Variants in COL5A1 observed in about 807,000 individuals in gnomAD.
The protein encoded by COL5A1 is collagen type V alpha 1 chain.
COL5A1 carries 16 observed loss-of-function variants against 263.7 expected under a neutral mutation model. The ratio of observed to expected loss-of-function variants is 0.06; its 90% CI spans 0.04 to 0.09. The LOEUF (loss-of-function observed/expected upper bound fraction) is 0.09. Among genes scored for constraint, COL5A1 ranks in the 10% least tolerant of loss-of-function variants. The probability of loss-of-function intolerance (pLI) is 1.00; values close to 1 mark genes in which losing one functional copy is unlikely to be tolerated. For synonymous variants in COL5A1, 1,012 were observed against 1,004.5 expected (o/e 1.01, Z -0.14); for missense variants, 2,036 against 2,540.5 (o/e 0.80, Z 4.27).
chr9:134,692,331 T>C (rs1021022695), intron 2 of COL5A1, among the ~76,000 whole-genome samples: 2 of 152,202 alleles, frequency 1.3e-5, no homozygotes, highest in Non-Finnish European at 2.9e-5. Context: ...TCAGACAGCC[T>C]GTCCCCGCAA....
chr9:134,676,218 T>C (rs1026977394), intron 1 of COL5A1, among the ~76,000 whole-genome samples: 2 of 152,210 alleles, frequency 1.3e-5, no homozygotes, highest in African/African-American at 4.8e-5. Flanking sequence ...ATCGGTATTG[T>C]TCTGGACTTA....
At chr9:134,738,907 G>C (rs1294282709) in intron 11 of COL5A1, 99 bp downstream of exon 11, 1 of 978,016 alleles carries the variant, frequency 1.0e-6, no homozygotes, top group Non-Finnish European at 1.6e-6. Flanking sequence ...CTGTGGAGGT[G>C]ACCCAGAGGC....
chr9:134,785,775 C>T (rs761752799), intron 30 of COL5A1, among the ~76,000 whole-genome samples: 3 of 152,198 alleles, frequency 2.0e-5, no homozygotes, highest in Non-Finnish European at 4.4e-5. Context: ...GCTTCTTCCT[C>T]GGTGCAGGGA....
chr9:134,761,876 C>T (rs371161791), intron 18 of COL5A1, 49 bp from the exon 19 acceptor site: 59 of 1,588,264 alleles, frequency 3.7e-5, no homozygotes, highest in Non-Finnish European at 4.8e-5. Context: ...TGGACAAGCC[C>T]TGCATGACCT....
chr9:134,676,396 A>G (rs1832684985), intron 1 of COL5A1, among the ~76,000 whole-genome samples: 1 of 152,176 alleles, frequency 6.6e-6, no homozygotes, highest in Non-Finnish European at 1.5e-5. Flanking sequence ...TGGCCTCTGC[A>G]GCATATTTGG....
In COL5A1 at chr9:134,690,878, C is replaced by T. The variant is rs72772548; in HGVS notation, c.110-34C>T. On this transcript the variant is annotated intron_variant, in intron 1 of 65. Transcript: ENST00000371817. ...TGTTCCCAGGTGCTCCTTTCCTCTC[C>T]GTGGCTAACTCTGCTCCTCCTCTGT... 0.072 allele frequency: 115,640 copies of T among 1,612,728 alleles called. 4,477 individuals carry two copies. The highest frequency in any genetic ancestry group is 0.078 in the Non-Finnish European group (92,348 of 1,179,794).
In COL5A1 at chr9:134,825,856, C is replaced by T; in HGVS notation, c.5019C>T (p.Phe1673=). The part of the protein sequence containing the change: ...SRDSFKVYCN[F]TAGGSTCVFP... The stretch of plus-strand genomic sequence containing the variant: ...ATTCCTTCAAGGTTTACTGCAACTT[C>T]ACAGCCGGGGGGTCGACATGCGTCT... The change falls in exon 63 of 66, where the codon TTC becomes TTT. Residue 1673 remains phenylalanine (F), a synonymous_variant. Coordinates refer to ENST00000371817, the MANE Select transcript of COL5A1 (RefSeq NM_000093.5). 6.2e-7 allele frequency: 1 copy of T among 1,613,484 alleles called. No individual in the cohort carries two copies. The highest frequency in any genetic ancestry group is 8.5e-7 in the Non-Finnish European group (1 of 1,179,572).
Position 134,794,385 on chromosome 9 carries a change from G to A in COL5A1, c.2701-697G>A, listed in dbSNP as rs796413579. On this transcript the variant is annotated intron_variant, in intron 32 of 65. Coordinates refer to ENST00000371817, the MANE Select transcript of COL5A1 (RefSeq NM_000093.5). The surrounding 1 kb of genome is among the most constrained non-coding windows in gnomAD (Gnocchi z 4.3). ...AGTTCAGGAAGCTGAGTTGGGACAC[G>A]GTGGGGGATGTAGGGGCCCCTGCGT... Among the ~76,000 whole-genome samples the A allele has an allele frequency of 6.6e-6, 1 of 151,994 alleles. No homozygotes were observed. The highest frequency in any genetic ancestry group is 2.4e-5 in the African/African-American group (1 of 41,380).
In COL5A1 at chr9:134,755,098, G is replaced by A. The variant is rs151331020; in HGVS notation, c.1827+772G>A. ...TTGGGGAGCAAGCTGTGGTTAGTGG[G>A]TAGAAATGACCCGATAAGCCGCAGT... On this transcript the variant is annotated intron_variant, in intron 16 of 65. Transcript: ENST00000371817. This position sits in a 1 kb window ranked among gnomAD's most constrained non-coding sequence, Gnocchi z 4.1. Among the ~76,000 whole-genome samples, 286 of 152,246 alleles carry A rather than the reference G, an allele frequency of 1.9e-3. 1 individual carries two copies. The highest frequency in any genetic ancestry group is 6.7e-3 in the African/African-American group (277 of 41,558).
chr9:134,768,071 G>A (rs1337713801), intron 24 of COL5A1, among the ~76,000 whole-genome samples: 1 of 152,240 alleles, frequency 6.6e-6, no homozygotes, highest in African/African-American at 2.4e-5. Context: ...GGTGGTGGGA[G>A]CACTTGAAGA....
rs201166370 is a variant in COL5A1 at position 134,730,388 on chromosome 9, G to A, written c.1077G>A (p.Glu359=). 7.0e-4 allele frequency: 1,133 copies of A among 1,614,216 alleles called. 2 individuals are homozygous for A. The highest frequency in any genetic ancestry group is 1.9e-3 in the East Asian group (86 of 44,884). ...PSPYDDLTYG[E]GEENPDQPTD... is the part of the protein sequence containing the mutation. ...CGTATGATGACCTCACCTATGGCGA[G>A]GGGGAGGAGAACCCCGACCAGCCCA... The change falls in exon 7 of 66, where the codon GAG becomes GAA. Residue 359 remains glutamate, a synonymous_variant. Transcript: ENST00000371817.
At position 134,646,664 on chromosome 9, in the gene COL5A1, G is replaced by C. The variant is rs76028241; in HGVS notation, c.109+4368G>C. 2.9e-3 allele frequency among the ~76,000 whole-genome samples: 443 copies of C among 152,258 alleles called. 1 individual carries two copies. Among genetic ancestry groups the C allele is most frequent in the Non-Finnish European group, 4.0e-3 (274 of 68,020 alleles). On this transcript the variant is annotated intron_variant, in intron 1 of 65. Transcript: ENST00000371817. Reference sequence around the variant, plus strand: ...CTCCTGTTTCCCTTTGACGAGCCCTGCTGGCCTGGCACAGTGAGCCCAGTC... The same window carrying C: ...CTCCTGTTTCCCTTTGACGAGCCCTCCTGGCCTGGCACAGTGAGCCCAGTC...
chr9:134,665,837 C>A (rs1442618234), intron 1 of COL5A1, among the ~76,000 whole-genome samples: 2 of 152,212 alleles, frequency 1.3e-5, no homozygotes, highest in Non-Finnish European at 2.9e-5. Flanking sequence ...CCTCTAATCC[C>A]AGCACTTTGG....
Position 134,767,004 on chromosome 9 carries a change from C to A in COL5A1, c.2138C>A (p.Pro713His), listed in dbSNP as rs1176035704. 6.2e-7 allele frequency: 1 copy of A among 1,613,646 alleles called. No homozygotes were observed. ...CTTTGCTCTTGTCTCCTGTAGGGTC[C>A]CCAGGGAGAGCCTGGCCCCCCAGGA... Reference protein sequence around the residue: ...GQPGPKGNVGPQGEPGPPGQQ... With the variant: ...GQPGPKGNVGHQGEPGPPGQQ... Residue 713 changes from proline (P) to histidine (H), a missense_variant, in exon 23 of 66, where the codon CCC becomes CAC. By Grantham distance (77) the Pro-to-His change is moderately conservative. This residue lies in a region of COL5A1 where 1,078 missense variants were observed against 1,521.4 expected (regional missense o/e 0.71). Coordinates refer to ENST00000371817, the MANE Select transcript of COL5A1 (RefSeq NM_000093.5).
At position 134,844,752 on chromosome 9, in the gene COL5A1, G is replaced by C. The variant is rs930973361; in HGVS notation, c.*2449G>C. ...AGTTTTAACTGTAATGCCCAGGAAAGGATATCTTAAAATATTCTAAACTTG... is the reference window on the plus strand; with the variant it reads ...AGTTTTAACTGTAATGCCCAGGAAACGATATCTTAAAATATTCTAAACTTG... On this transcript the variant is annotated 3_prime_UTR_variant, in exon 66 of 66. Transcript: ENST00000371817. 6.6e-6 allele frequency: 1 copy of C among 152,224 alleles called. No homozygotes were observed. The highest frequency in any genetic ancestry group is 2.4e-5 in the African/African-American group (1 of 41,456). 9.4% of individuals were successfully genotyped at this position (152,224 alleles called of 1,614,324 possible).
intron 65 of COL5A1, among the ~76,000 whole-genome samples, chr9:134,837,990 C>T (rs1046422915): frequency 1.3e-5 from 2 of 152,210 alleles, no homozygotes; most frequent in African/African-American, 2.4e-5. Context: ...ACAGTGATCT[C>T]ACTACCTCCT....
intron 1 of COL5A1, among the ~76,000 whole-genome samples, chr9:134,654,847 T>G (rs1588407266): frequency 2.0e-5 from 2 of 98,670 alleles, no homozygotes; most frequent in South Asian, 3.8e-4. Context: ...GTGGGGCTCG[T>G]GTGTGTAGGG....
At chr9:134,693,312 G>A (rs1476362830) in intron 2 of COL5A1, among the ~76,000 whole-genome samples, 3 of 152,174 alleles carry the variant, frequency 2.0e-5, no homozygotes, top group African/African-American at 7.2e-5. Flanking sequence ...AACGGAGTGA[G>A]TGAGACTGTC....
intron 2 of COL5A1, among the ~76,000 whole-genome samples, chr9:134,697,559 A>G (rs1380508666): frequency 1.3e-5 from 2 of 151,984 alleles, no homozygotes; most frequent in Non-Finnish European, 2.9e-5. Context: ...GAGGGAGTGG[A>G]CTCAGATGGT....
Sources: allele counts gnomAD v4.1 joint callset (sites outside exome capture counted in the v4.1 genomes callset), GRCh38; gene constraint gnomAD v4.1.1; regional missense constraint gnomAD v4.1.1; non-coding constraint Gnocchi (gnomAD v3.1); transcripts MANE v1.5; gene names NCBI Gene and HGNC (gene_info 2026-07-23, HGNC 2026-07-21).